The following CYP3A43 variants were observed in gnomAD, a reference collection of about 807,000 sequenced individuals.
CYP3A43 encodes cytochrome P450 family 3 subfamily A member 43.
CYP3A43 carries 45 observed loss-of-function variants against 58.0 expected under a neutral mutation model. The observed-to-expected ratio is 0.78, with a 90% CI of 0.61 to 0.99. CYP3A43 has a LOEUF of 0.99. Ranked by LOEUF, CYP3A43 falls within the 50% of genes least tolerant of loss-of-function variation. The probability of loss-of-function intolerance (pLI) is 0.00; values close to 1 mark genes in which losing one functional copy is unlikely to be tolerated. For missense variants in CYP3A43, 593 were observed against 591.9 expected, an observed-to-expected ratio of 1.00 and a Z score of -0.02; for synonymous variants, 191 against 201.4, an observed-to-expected ratio of 0.95 and a Z score of 0.44.
At position 99,837,591 on chromosome 7, in the gene CYP3A43, C is replaced by T. The variant is rs192646165; in HGVS notation, c.165+1045C>T. Among the ~76,000 whole-genome samples the T allele has an allele frequency of 4.7e-4, 71 of 152,188 alleles. 1 individual carries two copies. Among genetic ancestry groups the T allele is most frequent in the African/African-American group, 1.7e-3 (71 of 41,524 alleles). On this transcript the variant is annotated intron_variant, in intron 2 of 12. Coordinates refer to ENST00000354829, the MANE Select transcript of CYP3A43 (RefSeq NM_057095.3). Reference sequence around the variant, plus strand: ...GAGCAGGGAGTGCTTATAATGAAGACAATATGGAGGCTGTCCATCAACTTC... The same window carrying T: ...GAGCAGGGAGTGCTTATAATGAAGATAATATGGAGGCTGTCCATCAACTTC...
intron 2 of CYP3A43, chr7:99,838,715 C>G: frequency 2.4e-6 from 3 of 1,275,916 alleles, no homozygotes; most frequent in Non-Finnish European, 3.1e-6. Flanking sequence ...CGTGGTGGCT[C>G]ACGCCTGTAA....
At position 99,861,758 on chromosome 7, in the gene CYP3A43, G is replaced by A; in HGVS notation, c.1172G>A (p.Gly391Glu). The A allele has an allele frequency of 6.2e-7, 1 of 1,614,098 alleles. No homozygotes were observed. The highest frequency in any genetic ancestry group is 8.5e-7 in the Non-Finnish European group (1 of 1,180,014). The change falls in exon 11 of 13, where the codon GGG becomes GAG. Residue 391 changes from glycine to glutamate, a missense_variant. Coordinates refer to ENST00000354829, the MANE Select transcript of CYP3A43 (RefSeq NM_057095.3). The part of the protein sequence containing the change: ...IEINGVFIPK[G>E]LAVMVPIYAL... The stretch of plus-strand genomic sequence containing the variant: ...ATCAATGGAGTGTTCATTCCCAAAG[G>A]GTTAGCAGTGATGGTTCCAATCTAT...
rs45488193 is a variant in CYP3A43 at position 99,848,023 on chromosome 7, G to A, written c.433-143G>A. 4.9e-3 allele frequency: 3,896 copies of A among 795,536 alleles called. 105 individuals are homozygous for A. The African/African-American group carries it at 0.057, about 12-fold the overall frequency. The allele number at this position is 795,536 out of a possible 1,614,324, so 49.3% of individuals were successfully genotyped here. A position where few individuals can be genotyped will look rare whatever the true frequency, so the allele number is the denominator to read the frequency against. The stretch of plus-strand genomic sequence containing the variant: ...CGAAACTCTGTCTCAAAAAAAAGGG[G>A]CAGGGGGCGGTCTTTTCTATTTATG... On this transcript the variant is annotated intron_variant, in intron 5 of 12. Coordinates refer to ENST00000354829, the MANE Select transcript of CYP3A43 (RefSeq NM_057095.3).
Position 99,839,174 on chromosome 7 carries a change from T to C in CYP3A43, c.218+2T>C. ...TGAAAAATACGGAGAAATGTGGGGG[T>C]GAGTATTCTGGAAACTTGCATTGGA... On this transcript the variant is annotated splice_donor_variant, in intron 3 of 12. Coordinates refer to ENST00000354829, the MANE Select transcript of CYP3A43 (RefSeq NM_057095.3). LOFTEE classifies it high-confidence loss of function. 2 of 1,613,912 alleles carry C rather than the reference T, an allele frequency of 1.2e-6. 1 individual carries two copies. Among genetic ancestry groups the C allele is most frequent in the Non-Finnish European group, 1.7e-6 (2 of 1,179,974 alleles).
chr7:99,853,409 C>T (rs663493), intron 7 of CYP3A43, among the ~76,000 whole-genome samples: 27,787 of 151,986 alleles, frequency 0.18, 4,922 homozygotes, highest in African/African-American at 0.47. Context: ...AGAGAATATC[C>T]TTATGCTAAT....
At chr7:99,862,195 A>C (rs1328053547) in intron 11 of CYP3A43, among the ~76,000 whole-genome samples, 1 of 152,218 alleles carries the variant, frequency 6.6e-6, no homozygotes, top group Non-Finnish European at 1.5e-5. Flanking sequence ...CATAAGCTAT[A>C]ATTCATTTCA....
Position 99,863,660 on chromosome 7 carries a change from A to C in CYP3A43, c.1377A>C (p.Ala459=), listed in dbSNP as rs1309103849. Residue 459 remains alanine, a synonymous_variant, in exon 12 of 13, where the codon GCA becomes GCC. Transcript: ENST00000354829. ...LTNIKLAVIR[A]LQNFSFKPCK... ...ACATAAAACTTGCTGTCATTAGAGCACTGCAGAACTTCTCCTTCAAACCTT... is the reference window on the plus strand; with the variant it reads ...ACATAAAACTTGCTGTCATTAGAGCCCTGCAGAACTTCTCCTTCAAACCTT... The C allele has an allele frequency of 6.2e-7, 1 of 1,610,812 alleles. No homozygotes were observed. Among genetic ancestry groups the C allele is most frequent in the Non-Finnish European group, 8.5e-7 (1 of 1,178,966 alleles).
intron 7 of CYP3A43, among the ~76,000 whole-genome samples, chr7:99,852,543 C>T (rs992971502): frequency 2.0e-5 from 3 of 152,096 alleles, no homozygotes; most frequent in Non-Finnish European, 2.9e-5. Flanking sequence ...AAGTGTATCA[C>T]TAATATTTTG....
At chr7:99,858,842 AC>A (rs1818104745) in intron 9 of CYP3A43, among the ~76,000 whole-genome samples, 1 of 151,816 alleles carries the variant, frequency 6.6e-6, no homozygotes, top group Admixed American at 6.6e-5. Context: ...ACAGGTGCCC[AC>A]CACCACACCC....
Position 99,855,980 on chromosome 7 carries a change from G to A in CYP3A43, c.798+262G>A, listed in dbSNP as rs975135244. ...ATAATGTAGAGATAGAAGCTTTACC[G>A]CTTCTCTTCCTTTCAGTAAATTGTC... is the stretch of plus-strand genomic sequence containing the variant. On this transcript the variant is annotated intron_variant, in intron 8 of 12. Coordinates refer to ENST00000354829, the MANE Select transcript of CYP3A43 (RefSeq NM_057095.3). Among the ~76,000 whole-genome samples the A allele has an allele frequency of 3.9e-5, 6 of 152,272 alleles. 1 individual carries two copies. The highest frequency in any genetic ancestry group is 3.4e-3 in the Middle Eastern group (1 of 294).
At chr7:99,832,746 T>TTC (rs963140219) in intron 1 of CYP3A43, among the ~76,000 whole-genome samples, 2 of 151,448 alleles carry the variant, frequency 1.3e-5, no homozygotes, top group African/African-American at 4.8e-5. Context: ...GTGACACCTC[T>TTC]TCTCTCTCTC....
At chr7:99,840,689 C>A (rs1322405640) in intron 3 of CYP3A43, among the ~76,000 whole-genome samples, 1 of 152,130 alleles carries the variant, frequency 6.6e-6, no homozygotes, top group Admixed American at 6.6e-5. Flanking sequence ...TCCCAAAACC[C>A]TCTTTGGAAA....
intron 2 of CYP3A43, 40 bp from the exon 3 acceptor site, chr7:99,839,080 T>G: frequency 6.2e-7 from 1 of 1,613,256 alleles, no homozygotes; most frequent in Non-Finnish European, 8.5e-7. Flanking sequence ...TTCAGTACAT[T>G]CGAAATAATA....
chr7:99,849,954 C>CA (rs1227147669), intron 7 of CYP3A43: 1 of 464,924 alleles, frequency 2.2e-6, no homozygotes, highest in Non-Finnish European at 3.9e-6. Flanking sequence ...TCTTCCTCAC[C>CA]ATTTTTTTTT....
At chr7:99,865,867 G>A in intron 12 of CYP3A43, 39 bp from the exon 13 acceptor site, 2 of 1,396,308 alleles carry the variant, frequency 1.4e-6, no homozygotes, top group Non-Finnish European at 1.9e-6. Context: ...TTCTTCATTT[G>A]CTTCATTGTT....
chr7:99,835,955 A>T (rs1817057177), intron 1 of CYP3A43, among the ~76,000 whole-genome samples: 1 of 152,214 alleles, frequency 6.6e-6, no homozygotes, highest in Non-Finnish European at 1.5e-5. Context: ...ATCCACATTT[A>T]CTTATCCAGA....
At chr7:99,840,815 C>G (rs1385628100) in intron 3 of CYP3A43, among the ~76,000 whole-genome samples, 1 of 152,118 alleles carries the variant, frequency 6.6e-6, no homozygotes, top group South Asian at 2.1e-4. Context: ...TGGTTAACAC[C>G]TTGGTAACCA....
Position 99,864,938 on chromosome 7 carries a change from C to G in CYP3A43, c.1417-968C>G, listed in dbSNP as rs766415190. Among the ~76,000 whole-genome samples the G allele has an allele frequency of 2.0e-4, 29 of 148,574 alleles. 1 individual carries two copies. The highest frequency in any genetic ancestry group is 8.6e-4 in the Admixed American group (13 of 15,156). ...ATGAACACTTGTCATTTATTTATAT[C>G]AAGCAAGGCCCTATAAGCCTTATTT... On this transcript the variant is annotated intron_variant, in intron 12 of 12. Coordinates refer to ENST00000354829, the MANE Select transcript of CYP3A43 (RefSeq NM_057095.3).
intron 7 of CYP3A43, among the ~76,000 whole-genome samples, chr7:99,852,486 A>C (rs527304456): frequency 3.3e-5 from 5 of 152,034 alleles, no homozygotes; most frequent in Non-Finnish European, 7.4e-5. Context: ...AGTGTTTTGT[A>C]TTTTTCAGAG....
Sources: gnomAD v4.1 joint callset for allele counts (sites outside exome capture counted in the v4.1 genomes callset) on GRCh38, gnomAD v4.1.1 for gene constraint, MANE v1.5 for transcripts, NCBI Gene and HGNC (gene_info 2026-07-23, HGNC 2026-07-21) for gene names.